Variants in KCNIP1 observed in about 807,000 individuals in gnomAD.
KCNIP1 encodes the protein A-type potassium channel modulatory protein KCNIP1.
In KCNIP1, 18 loss-of-function variants were observed where a neutral mutation model predicts 33.0. The ratio of observed to expected loss-of-function variants is 0.55; its 90% CI spans 0.38 to 0.81. The LOEUF is 0.81. Among genes scored for constraint, KCNIP1 ranks in the 30% least tolerant of loss-of-function variants. The probability of loss-of-function intolerance (pLI) is 0.00; values close to 1 mark genes in which losing one functional copy is unlikely to be tolerated. For synonymous variants in KCNIP1, 93 were observed against 98.3 expected (o/e 0.95, Z 0.32); for missense variants, 238 against 271.6 (o/e 0.88, Z 0.87).
chr5:170,593,829 G>C (rs1758350329), intron 1 of KCNIP1, among the ~76,000 whole-genome samples: 1 of 152,144 alleles, frequency 6.6e-6, no homozygotes, highest in Non-Finnish European at 1.5e-5. Context: ...GCTGGAGTTT[G>C]GGGATACATG....
chr5:170,733,935 T>A (rs1159440952), intron 7 of KCNIP1, 37 bp downstream of exon 7: 1 of 1,579,814 alleles, frequency 6.3e-7, no homozygotes. Context: ...ACTCTACATC[T>A]GGGAAAGGAA....
rs1051357498 is a variant in KCNIP1, at chr5:170,533,259, C to T, written c.61+28626C>T. ...CTCAGACAGAGAGCTCACAGAGGGG[C>T]ACCCCAGCACCTCCCTCACCTCTAT... On this transcript the variant is annotated intron_variant, in intron 1 of 7. Coordinates refer to ENST00000328939, the MANE Select transcript of KCNIP1 (RefSeq NM_014592.4). Among the ~76,000 whole-genome samples the T allele has an allele frequency of 3.3e-5, 5 of 152,126 alleles. No individual in the cohort carries two copies. In the South Asian group the frequency reaches 8.3e-4, roughly 25 times the overall value.
chr5:170,708,550 G>A (rs1763337998), intron 1 of KCNIP1, among the ~76,000 whole-genome samples: 1 of 152,146 alleles, frequency 6.6e-6, no homozygotes, highest in South Asian at 2.1e-4. Flanking sequence ...TTATCATTTA[G>A]TTCAAAATTA....
chr5:170,688,109 T>C (rs2113809295), intron 1 of KCNIP1, among the ~76,000 whole-genome samples: 1 of 152,332 alleles, frequency 6.6e-6, no homozygotes, highest in Admixed American at 6.5e-5. Context: ...TTTCATTTAG[T>C]CCTCATGGCT....
intron 1 of KCNIP1, among the ~76,000 whole-genome samples, chr5:170,482,683 A>G (rs1212079295): frequency 6.6e-6 from 1 of 152,166 alleles, no homozygotes; most frequent in Non-Finnish European, 1.5e-5. Flanking sequence ...GGTATTGATG[A>G]TTTAAAAGTC....
At chr5:170,419,995 G>A (rs971927298) in intron 1 of KCNIP1, among the ~76,000 whole-genome samples, 2 of 152,156 alleles carry the variant, frequency 1.3e-5, no homozygotes, top group Admixed American at 1.3e-4. Context: ...TTCCCAGTGC[G>A]ACCCTTCCCC....
intron 1 of KCNIP1, among the ~76,000 whole-genome samples, chr5:170,613,622 G>T (rs1759261964): frequency 6.6e-6 from 1 of 152,168 alleles, no homozygotes; most frequent in South Asian, 2.1e-4. Context: ...GAGAAGGGAA[G>T]AAAAGGAGGC....
intron 1 of KCNIP1, among the ~76,000 whole-genome samples, chr5:170,426,313 G>A (rs980334657): frequency 1.3e-5 from 2 of 150,702 alleles, no homozygotes; most frequent in Non-Finnish European, 2.9e-5. Context: ...AGTCATATCA[G>A]CCCCCTGAGG....
chr5:170,400,017 C>A (rs1272464331), intron 1 of KCNIP1, among the ~76,000 whole-genome samples: 1 of 152,168 alleles, frequency 6.6e-6, no homozygotes. Flanking sequence ...TGTTGGTGAG[C>A]CATGTGAGCT....
intron 1 of KCNIP1, among the ~76,000 whole-genome samples, chr5:170,554,850 C>A (rs1756786206): frequency 6.6e-6 from 1 of 152,066 alleles, no homozygotes; most frequent in Non-Finnish European, 1.5e-5. Context: ...CCACCCAGAG[C>A]CTGTTAGGAA....
intron 1 of KCNIP1, among the ~76,000 whole-genome samples, chr5:170,565,095 C>T (rs1757159850): frequency 6.6e-6 from 1 of 152,046 alleles, no homozygotes. Context: ...CTTTATCTCC[C>T]CTTCTCTTTC....
chr5:170,721,699 C>A, intron 3 of KCNIP1, 134 bp from the exon 4 acceptor site: 1 of 1,598,470 alleles, frequency 6.3e-7, no homozygotes, highest in Non-Finnish European at 8.6e-7. Flanking sequence ...ATGGGCCCCA[C>A]TCCATAATTT....
At chr5:170,405,642 G>C (rs1755019875) in intron 1 of KCNIP1, among the ~76,000 whole-genome samples, 1 of 152,206 alleles carries the variant, frequency 6.6e-6, no homozygotes, top group African/African-American at 2.4e-5. Context: ...CCTTCCTTGG[G>C]CAAAAGTATT....
At chr5:170,704,468 A>G (rs1318867454) in intron 1 of KCNIP1, among the ~76,000 whole-genome samples, 1 of 107,192 alleles carries the variant, frequency 9.3e-6, no homozygotes, top group Admixed American at 8.2e-5. Context: ...GGGTTAAGCA[A>G]TGTGAAAGTA....
chr5:170,575,015 G>C (rs760777304), intron 1 of KCNIP1, among the ~76,000 whole-genome samples: 7 of 152,092 alleles, frequency 4.6e-5, no homozygotes, highest in Non-Finnish European at 8.8e-5. Flanking sequence ...CAGGAAAAAA[G>C]AGCCCTGGGA....
At chr5:170,672,667 A>G (rs928230088) in intron 1 of KCNIP1, among the ~76,000 whole-genome samples, 3 of 152,268 alleles carry the variant, frequency 2.0e-5, no homozygotes, top group African/African-American at 7.2e-5. Context: ...CTTAGAGCAT[A>G]TTTAAAATAT....
intron 1 of KCNIP1, among the ~76,000 whole-genome samples, chr5:170,494,987 T>C (rs1234944874): frequency 6.6e-6 from 1 of 152,228 alleles, no homozygotes; most frequent in African/African-American, 2.4e-5. Flanking sequence ...GATCATTTTA[T>C]GAATAGCTAA....
At chr5:170,387,535 G>A (rs1314687174) in intron 1 of KCNIP1, among the ~76,000 whole-genome samples, 56 of 152,206 alleles carry the variant, frequency 3.7e-4, no homozygotes, top group Admixed American at 3.7e-3. Context: ...ATCGGCAGAG[G>A]TGACATCCAA....
At chr5:170,611,525 G>T (rs1759151762) in intron 1 of KCNIP1, among the ~76,000 whole-genome samples, 1 of 152,194 alleles carries the variant, frequency 6.6e-6, no homozygotes, top group Admixed American at 6.5e-5. Context: ...CATAGCCCTT[G>T]CAAGGAGGTA....
Sources: allele counts gnomAD v4.1 joint callset (sites outside exome capture counted in the v4.1 genomes callset), GRCh38; gene constraint gnomAD v4.1.1; transcripts MANE v1.5; gene names NCBI Gene and HGNC (gene_info 2026-07-23, HGNC 2026-07-21).